The following NTM variants were observed in gnomAD, a reference collection of about 807,000 sequenced individuals.
NTM encodes the protein IgLON family member 2.
NTM carries 13 observed loss-of-function variants against 42.1 expected under a neutral mutation model. The ratio of observed to expected loss-of-function variants is 0.31; its 90% CI spans 0.20 to 0.49. The LOEUF (loss-of-function observed/expected upper bound fraction) is 0.49. Among genes scored for constraint, NTM ranks in the 20% least tolerant of loss-of-function variants. The pLI, the probability that NTM is intolerant of heterozygous loss-of-function variation, is 0.99. For synonymous variants in NTM, 187 were observed against 179.2 expected, an observed-to-expected ratio of 1.04 and a Z score of -0.35; for missense variants, 373 against 452.8, an observed-to-expected ratio of 0.82 and a Z score of 1.60.
intron 1 of NTM, among the ~76,000 whole-genome samples, chr11:131,781,549 A>C (rs1444914168): frequency 3.3e-5 from 5 of 152,186 alleles, no homozygotes; most frequent in African/African-American, 9.6e-5. Context: ...GCAAATACTA[A>C]GTAATATACT....
intron 3 of NTM, among the ~76,000 whole-genome samples, chr11:132,166,625 G>C (rs900060708): frequency 3.3e-5 from 5 of 152,204 alleles, no homozygotes; most frequent in Admixed American, 1.3e-4. Context: ...CCTGGACCCA[G>C]TATTCTCAAG....
At chr11:131,650,676 G>A (rs918609782) in intron 1 of NTM, among the ~76,000 whole-genome samples, 3 of 152,036 alleles carry the variant, frequency 2.0e-5, no homozygotes, top group African/African-American at 7.3e-5. Flanking sequence ...TCTGTTGAGG[G>A]ATATAGGAAC....
At chr11:131,876,616 G>A (rs73027539) in intron 1 of NTM, among the ~76,000 whole-genome samples, 248 of 152,272 alleles carry the variant, frequency 1.6e-3, no homozygotes, top group Non-Finnish European at 3.0e-3. Flanking sequence ...AGAAGACAAC[G>A]TTTTGTTTTC....
chr11:132,123,072 G>A (rs188744721), intron 2 of NTM, among the ~76,000 whole-genome samples: 3 of 152,050 alleles, frequency 2.0e-5, no homozygotes, highest in Admixed American at 6.5e-5. Context: ...GCATCTCCCC[G>A]TCAGCCTTGC....
intron 1 of NTM, among the ~76,000 whole-genome samples, chr11:131,519,306 AC>A (rs755131622): frequency 2.0e-5 from 3 of 152,162 alleles, no homozygotes; most frequent in Non-Finnish European, 4.4e-5. Context: ...ACTCTTCTTT[AC>A]TTTCAGGTCT....
intron 4 of NTM, among the ~76,000 whole-genome samples, chr11:132,228,558 G>C (rs1461116395): frequency 1.3e-5 from 2 of 152,194 alleles, no homozygotes; most frequent in Admixed American, 6.5e-5. Context: ...CATTGTATAA[G>C]ATGGGGAATA....
chr11:132,118,143 G>C (rs1316468943), intron 2 of NTM, among the ~76,000 whole-genome samples: 1 of 152,162 alleles, frequency 6.6e-6, no homozygotes, highest in Non-Finnish European at 1.5e-5. Flanking sequence ...TTAAGCGGTA[G>C]CTTCAAACAT....
At chr11:131,500,386 C>T (rs534191041) in intron 1 of NTM, among the ~76,000 whole-genome samples, 7 of 151,558 alleles carry the variant, frequency 4.6e-5, no homozygotes, top group Admixed American at 6.6e-5. Flanking sequence ...AACCCTGTTC[C>T]CTGTGCTTTA....
chr11:131,558,385 T>C (rs1265216120), intron 1 of NTM, among the ~76,000 whole-genome samples: 1 of 152,170 alleles, frequency 6.6e-6, no homozygotes, highest in South Asian at 2.1e-4. Flanking sequence ...TGTCAGGGAA[T>C]TGGAGGACAG....
chr11:131,713,735 C>T (rs1017348690), intron 1 of NTM, among the ~76,000 whole-genome samples: 1 of 152,160 alleles, frequency 6.6e-6, no homozygotes, highest in Non-Finnish European at 1.5e-5. Context: ...AGGTCTGCAG[C>T]AACCTCAATT....
chr11:131,599,027 C>A (rs1305323860), intron 1 of NTM, among the ~76,000 whole-genome samples: 3 of 151,948 alleles, frequency 2.0e-5, no homozygotes, highest in Admixed American at 2.0e-4. Context: ...AACTCTCTTG[C>A]CTCAGCCTCC....
At chr11:131,864,290 T>C (rs930246597) in intron 1 of NTM, among the ~76,000 whole-genome samples, 2 of 151,634 alleles carry the variant, frequency 1.3e-5, no homozygotes, top group Non-Finnish European at 2.9e-5. Flanking sequence ...GTGGAGCGAC[T>C]CCTTTGCTTA....
intron 1 of NTM, among the ~76,000 whole-genome samples, chr11:131,466,763 A>G (rs1446138109): frequency 1.3e-5 from 2 of 152,242 alleles, no homozygotes; most frequent in Non-Finnish European, 2.9e-5. Context: ...AGAATCAAGT[A>G]TATAACTACT....
intron 2 of NTM, among the ~76,000 whole-genome samples, chr11:131,949,439 C>T (rs529448532): frequency 1.8e-4 from 27 of 152,318 alleles, no homozygotes; most frequent in East Asian, 1.5e-3. Flanking sequence ...GAATCTAGAA[C>T]AGCACACTGA....
At chr11:131,655,438 A>G (rs2067057455) in intron 1 of NTM, among the ~76,000 whole-genome samples, 1 of 152,242 alleles carries the variant, frequency 6.6e-6, no homozygotes, top group Non-Finnish European at 1.5e-5. Context: ...GCAACACCTC[A>G]GAGAAAAACA....
intron 7 of NTM, chr11:132,317,776 C>T (rs1036129794): frequency 3.9e-6 from 3 of 770,192 alleles, no homozygotes; most frequent in South Asian, 2.9e-5. Flanking sequence ...ACCCGAAGCA[C>T]TTGTCTGTAA....
At chr11:131,419,420 T>G (rs1014958396) in intron 1 of NTM, among the ~76,000 whole-genome samples, 1 of 152,112 alleles carries the variant, frequency 6.6e-6, no homozygotes, top group Non-Finnish European at 1.5e-5. Context: ...ATAGGTAGAA[T>G]GATCCAGAGA....
At chr11:132,021,571 G>T (rs1026177595) in intron 2 of NTM, among the ~76,000 whole-genome samples, 2 of 152,076 alleles carry the variant, frequency 1.3e-5, no homozygotes, top group African/African-American at 4.8e-5. Context: ...TTAGCAAACT[G>T]GCTAATCTGT....
intron 1 of NTM, among the ~76,000 whole-genome samples, chr11:131,621,111 C>T (rs1057134341): frequency 2.0e-5 from 3 of 152,154 alleles, no homozygotes; most frequent in African/African-American, 7.2e-5. Context: ...AGCTCACTCC[C>T]TGTTAAGGTA....
Sources: gnomAD v4.1 joint callset for allele counts (sites outside exome capture counted in the v4.1 genomes callset) on GRCh38, gnomAD v4.1.1 for gene constraint, MANE v1.5 for transcripts, NCBI Gene and HGNC (gene_info 2026-07-23, HGNC 2026-07-21) for gene names.